Variants in FLI1 observed in about 807,000 individuals in gnomAD.
The protein encoded by FLI1 is Friend leukemia integration 1 transcription factor.
FLI1 carries 13 observed loss-of-function variants against 53.1 expected under a neutral mutation model. That is an observed-to-expected ratio of 0.24 (90% confidence interval 0.16 to 0.39). The LOEUF is 0.39. Among genes scored for constraint, FLI1 ranks in the 10% least tolerant of loss-of-function variants. The pLI, the probability that FLI1 is intolerant of heterozygous loss-of-function variation, is 1.00. For synonymous variants in FLI1, 244 were observed against 236.7 expected (o/e 1.03, Z -0.28); for missense variants, 424 against 600.5 (o/e 0.71, Z 3.07).
At chr11:128,780,498 G>A (rs1941880065) in intron 4 of FLI1, among the ~76,000 whole-genome samples, 1 of 152,246 alleles carries the variant, frequency 6.6e-6, no homozygotes, top group African/African-American at 2.4e-5. Flanking sequence ...GGGAAGCTGA[G>A]GCAGGAGAAT....
rs957900326 is a variant in FLI1 at position 128,807,182 on chromosome 11, C to T, written c.724C>T (p.Pro242Ser). 1.9e-6 allele frequency: 3 copies of T among 1,592,328 alleles called. No individual in the cohort carries two copies. The African/African-American group carries it at 4.0e-5, about 21-fold the overall frequency. Residue 242 changes from proline (P) to serine (S), a missense_variant and splice_region_variant, in exon 7 of 9, where the codon CCT becomes TCT. Pro to Ser is a moderately conservative substitution (Grantham distance 74). This residue lies in a region of FLI1 where 114 missense variants were observed against 117.9 expected (regional missense o/e 0.97). Transcript: ENST00000527786. Reference protein sequence around the residue: ...NNMNSGLNKSPPLGGAQTISK... With the variant: ...NNMNSGLNKSSPLGGAQTISK... ...CATTTCTTTCCCTCTTGCCACAGGT[C>T]CTCCCCTTGGAGGGGCACAAACGAT...
chr11:128,726,858 C>T (rs753371822), intron 1 of FLI1, among the ~76,000 whole-genome samples: 1 of 151,840 alleles, frequency 6.6e-6, no homozygotes, highest in Admixed American at 6.6e-5. Flanking sequence ...GTGATCAAAA[C>T]GGAATGGGGT....
At chr11:128,733,335 A>G (rs1246582639) in intron 1 of FLI1, among the ~76,000 whole-genome samples, 1 of 152,120 alleles carries the variant, frequency 6.6e-6, no homozygotes, top group Non-Finnish European at 1.5e-5. Flanking sequence ...ATTTTTAACA[A>G]CACTTCAAGT....
chr11:128,753,632 G>C (rs775339515), intron 1 of FLI1, among the ~76,000 whole-genome samples: 8 of 152,234 alleles, frequency 5.3e-5, no homozygotes, highest in Non-Finnish European at 7.3e-5. Context: ...ACTTTAAAAA[G>C]TTTTAAGAGT....
At chr11:128,738,346 C>T (rs11820273) in intron 1 of FLI1, among the ~76,000 whole-genome samples, 7,870 of 152,226 alleles carry the variant, frequency 0.052, 653 homozygotes, top group African/African-American at 0.18. Context: ...ATAAACAATG[C>T]CTTGAAATAC....
chr11:128,742,885 G>A (rs1005547232), intron 1 of FLI1, among the ~76,000 whole-genome samples: 1 of 152,200 alleles, frequency 6.6e-6, no homozygotes, highest in African/African-American at 2.4e-5. Flanking sequence ...TTATACCTGA[G>A]AGCATTTCTG....
chr11:128,795,893 G>T (rs1942427964), intron 5 of FLI1, among the ~76,000 whole-genome samples: 1 of 152,196 alleles, frequency 6.6e-6, no homozygotes, highest in Non-Finnish European at 1.5e-5. Flanking sequence ...ATTCTCAAAA[G>T]ATCCCTGTGA....
At chr11:128,722,029 C>T (rs1269804564) in intron 1 of FLI1, among the ~76,000 whole-genome samples, 1 of 152,140 alleles carries the variant, frequency 6.6e-6, no homozygotes, top group Non-Finnish European at 1.5e-5. Context: ...GGAGGCAGCC[C>T]AGGTAGTATG....
At chr11:128,710,833 TC>T (rs1938755887) in intron 1 of FLI1, among the ~76,000 whole-genome samples, 3 of 152,224 alleles carry the variant, frequency 2.0e-5, no homozygotes, top group Admixed American at 6.5e-5. Flanking sequence ...TACACAAGGT[TC>T]CAAAATCTCT....
At chr11:128,792,803 T>G (rs1277529214) in intron 5 of FLI1, among the ~76,000 whole-genome samples, 2 of 152,340 alleles carry the variant, frequency 1.3e-5, no homozygotes, top group African/African-American at 4.8e-5. Flanking sequence ...ACTCTATTGA[T>G]GAGAATTTCA....
intron 1 of FLI1, among the ~76,000 whole-genome samples, chr11:128,725,400 A>C (rs1282870808): frequency 6.6e-6 from 1 of 152,190 alleles, no homozygotes; most frequent in Non-Finnish European, 1.5e-5. Flanking sequence ...ACTTCAGATC[A>C]TAACCAAAAG....
At chr11:128,784,414 C>T (rs1261204980) in intron 5 of FLI1, among the ~76,000 whole-genome samples, 3 of 152,268 alleles carry the variant, frequency 2.0e-5, no homozygotes, top group Admixed American at 2.0e-4. Flanking sequence ...GGGTAGCAAC[C>T]CCTCTTCTGA....
intron 1 of FLI1, among the ~76,000 whole-genome samples, chr11:128,734,580 G>A (rs1011741433): frequency 2.6e-5 from 4 of 152,200 alleles, no homozygotes; most frequent in Non-Finnish European, 4.4e-5. Context: ...GCACTGTGGT[G>A]TGTTTTGCTT....
chr11:128,776,239 G>C (rs549650885), intron 4 of FLI1, among the ~76,000 whole-genome samples: 1 of 152,330 alleles, frequency 6.6e-6, no homozygotes, highest in South Asian at 2.1e-4. Context: ...GGGCGTGTCA[G>C]CTGTGCCAGA....
upstream of FLI1, chr11:128,686,114 A>T: frequency 3.0e-6 from 1 of 332,656 alleles, no homozygotes; most frequent in Non-Finnish European, 6.0e-6. Context: ...GCGCAGCTGG[A>T]TGCTGGCAGA....
At chr11:128,685,520 C>T, upstream of FLI1, among the ~76,000 whole-genome samples, 1 of 151,624 alleles carries the variant, frequency 6.6e-6, no homozygotes, top group African/African-American at 2.4e-5. Flanking sequence ...TCCTTCTTTC[C>T]TCTCTGTTTT....
At chr11:128,703,837 C>G (rs1161910545) in intron 1 of FLI1, among the ~76,000 whole-genome samples, 3 of 98,258 alleles carry the variant, frequency 3.1e-5, no homozygotes, top group Admixed American at 2.8e-4. Flanking sequence ...AGCGAGACTC[C>G]GTCTCAAAAA....
chr11:128,725,417 C>T (rs949434816), intron 1 of FLI1, among the ~76,000 whole-genome samples: 3 of 152,150 alleles, frequency 2.0e-5, no homozygotes, highest in Non-Finnish European at 4.4e-5. Flanking sequence ...AAAGTCTTGG[C>T]CCCTCACCAC....
intron 1 of FLI1, among the ~76,000 whole-genome samples, chr11:128,746,162 C>A (rs1393653051): frequency 6.6e-6 from 1 of 152,098 alleles, no homozygotes; most frequent in Admixed American, 6.6e-5. Flanking sequence ...CATTTCCCAT[C>A]GGGCGCTGAG....
Sources: allele counts gnomAD v4.1 joint callset (sites outside exome capture counted in the v4.1 genomes callset), GRCh38; gene constraint gnomAD v4.1.1; regional missense constraint gnomAD v4.1.1; transcripts MANE v1.5; gene names NCBI Gene and HGNC (gene_info 2026-07-23, HGNC 2026-07-21).